The following CAST variants were observed in gnomAD, a reference collection of about 807,000 sequenced individuals.
The protein encoded by CAST is MIR583 host.
Under a neutral mutation model 119.6 loss-of-function variants are expected in CAST, and 76 were observed. The ratio of observed to expected loss-of-function variants is 0.64; its 90% CI spans 0.53 to 0.77. The LOEUF is 0.77. CAST is among the 30% of genes least tolerant of loss of function. CAST has a pLI of 0.00. For synonymous variants in CAST, 319 were observed against 331.6 expected (o/e 0.96, Z 0.41); for missense variants, 953 against 946.5 (o/e 1.01, Z -0.09).
At chr5:96,440,387 C>A in the CAST span, among the ~76,000 whole-genome samples, 1 of 152,120 alleles carries the variant, frequency 6.6e-6, no homozygotes, top group African/African-American at 2.4e-5. Context: ...GACCTACCCA[C>A]GCTGCAGCTG....
chr5:96,377,502 T>G, the CAST span, among the ~76,000 whole-genome samples: 1 of 152,270 alleles, frequency 6.6e-6, no homozygotes, highest in South Asian at 2.1e-4. Flanking sequence ...ATATTTACCA[T>G]TGTGTTACAA....
the CAST span, among the ~76,000 whole-genome samples, chr5:96,261,817 C>T: frequency 6.6e-6 from 1 of 152,134 alleles, no homozygotes; most frequent in Non-Finnish European, 1.5e-5. Flanking sequence ...CTAGCGGCTG[C>T]CATATTGGAC....
At chr5:96,232,644 GAACAAAA>G in the CAST span, among the ~76,000 whole-genome samples, 5 of 151,846 alleles carry the variant, frequency 3.3e-5, no homozygotes, top group Non-Finnish European at 7.4e-5. Flanking sequence ...ATTTTAAAAA[GAACAAAA>G]AATTGAGGGG....
the CAST span, among the ~76,000 whole-genome samples, chr5:96,171,626 G>A: frequency 3.1e-4 from 47 of 152,324 alleles, no homozygotes; most frequent in Middle Eastern, 6.8e-3. Context: ...CGTGACCAGC[G>A]CCAGAGTTTT....
the CAST span, among the ~76,000 whole-genome samples, chr5:96,007,531 C>T: frequency 6.6e-6 from 1 of 152,122 alleles, no homozygotes; most frequent in African/African-American, 2.4e-5. Context: ...TAGAGGTGAG[C>T]CCCTTGAGAG....
rs769804989 is a variant in CAST at position 96,727,572 on chromosome 5, TTAA to T, written c.378+50_378+52del. 4 of 1,284,074 alleles carry T rather than the reference TTAA, an allele frequency of 3.1e-6. No individual in the cohort carries two copies. In the Admixed American group the frequency reaches 8.2e-5, roughly 26 times the overall value. The allele number at this position is 1,284,074 out of a possible 1,614,324, so 79.5% of individuals were successfully genotyped here. A position where few individuals can be genotyped will look rare whatever the true frequency, so the allele number is the denominator to read the frequency against. On this transcript the variant is annotated intron_variant, in intron 6 of 31. Coordinates refer to ENST00000675179, the MANE Select transcript of CAST (RefSeq NM_001750.7). ...TGTTAGTTAGTTATTTGGATTCTTT[TTAA>T]TAATAATGAATAATCAACTTCCTGC...
At chr5:96,001,830 C>A in the CAST span, among the ~76,000 whole-genome samples, 1 of 152,180 alleles carries the variant, frequency 6.6e-6, no homozygotes, top group Non-Finnish European at 1.5e-5. Context: ...AAATACAGCA[C>A]CTTCAAATCT....
Position 96,771,666 on chromosome 5 carries a change from C to G in CAST, c.2363C>G (p.Pro788Arg), listed in dbSNP as rs755515061. The G allele has an allele frequency of 6.2e-7, 1 of 1,611,500 alleles. No individual in the cohort carries two copies. Among genetic ancestry groups the G allele is most frequent in the Non-Finnish European group, 8.5e-7 (1 of 1,178,162 alleles). The change falls in exon 31 of 32, where the codon CCA becomes CGA. Residue 788 changes from proline (P) to arginine (R), a missense_variant. Physicochemically the swap from Pro to Arg is moderately radical, Grantham distance 103 (BLOSUM62 -2). Coordinates refer to ENST00000675179, the MANE Select transcript of CAST (RefSeq NM_001750.7). Reference sequence around the variant, plus strand: ...TAGACAACAGAGGAAACTTCCAAGCCAAAAGATGACTAAAGAAATACAAGT... The same window carrying G: ...TAGACAACAGAGGAAACTTCCAAGCGAAAAGATGACTAAAGAAATACAAGT... Reference protein sequence around the residue: ...SAKTTEETSKPKDD With the variant: ...SAKTTEETSKRKDD
chr5:96,528,290 A>G (rs1033863962), upstream of CAST, among the ~76,000 whole-genome samples: 5 of 152,168 alleles, frequency 3.3e-5, no homozygotes, highest in Non-Finnish European at 5.9e-5. Context: ...TGAGGGAGAC[A>G]GTGTCATCCT....
At chr5:96,141,332 T>G in the CAST span, among the ~76,000 whole-genome samples, 1 of 152,210 alleles carries the variant, frequency 6.6e-6, no homozygotes, top group Non-Finnish European at 1.5e-5. Flanking sequence ...CTGGCAACAC[T>G]AAACCTCCAT....
intron 1 of CAST, among the ~76,000 whole-genome samples, chr5:96,625,316 C>T (rs943682241): frequency 2.0e-5 from 3 of 152,184 alleles, no homozygotes; most frequent in African/African-American, 4.8e-5. Context: ...CTCTCATACG[C>T]ACACTTAGAA....
chr5:96,483,305 A>G, the CAST span, among the ~76,000 whole-genome samples: 1 of 152,148 alleles, frequency 6.6e-6, no homozygotes, highest in Non-Finnish European at 1.5e-5. Flanking sequence ...AACAAATAAG[A>G]ACGGGTGCTG....
At chr5:96,051,998 G>A in the CAST span, among the ~76,000 whole-genome samples, 11 of 152,160 alleles carry the variant, frequency 7.2e-5, no homozygotes, top group Admixed American at 6.5e-4. Context: ...ACCAAATTTA[G>A]GATCGTGCTT....
At chr5:96,140,997 G>A in the CAST span, among the ~76,000 whole-genome samples, 1 of 152,150 alleles carries the variant, frequency 6.6e-6, no homozygotes, top group Admixed American at 6.5e-5. Flanking sequence ...TTAACATATA[G>A]TGGGATTGCC....
At chr5:96,089,273 G>C in the CAST span, among the ~76,000 whole-genome samples, 2 of 152,008 alleles carry the variant, frequency 1.3e-5, no homozygotes, top group Non-Finnish European at 2.9e-5. Flanking sequence ...ATAAACCAGT[G>C]CATAGCCTTC....
chr5:96,257,937 G>A, the CAST span, among the ~76,000 whole-genome samples: 1 of 152,154 alleles, frequency 6.6e-6, no homozygotes, highest in Admixed American at 6.5e-5. Flanking sequence ...ACAAAGTCAT[G>A]CAAAGGAAGT....
the CAST span, among the ~76,000 whole-genome samples, chr5:96,159,135 A>G: frequency 6.6e-6 from 1 of 152,310 alleles, no homozygotes; most frequent in South Asian, 2.1e-4. Context: ...TGGGAAGTAT[A>G]CTGTCCTTTT....
chr5:96,703,470 G>C (rs1266729860), intron 3 of CAST, among the ~76,000 whole-genome samples: 5 of 152,186 alleles, frequency 3.3e-5, no homozygotes, highest in Admixed American at 1.3e-4. Flanking sequence ...TACACAACCT[G>C]AGACGGTTGT....
At chr5:96,086,284 T>C in the CAST span, among the ~76,000 whole-genome samples, 5 of 152,178 alleles carry the variant, frequency 3.3e-5, no homozygotes, top group East Asian at 1.9e-4. Context: ...TTTTAATAAA[T>C]AACTCAAAAT....
Sources: gnomAD v4.1 joint callset for allele counts (sites outside exome capture counted in the v4.1 genomes callset) on GRCh38, gnomAD v4.1.1 for gene constraint, MANE v1.5 for transcripts, NCBI Gene and HGNC (gene_info 2026-07-23, HGNC 2026-07-21) for gene names.